The following KCND2 variants were observed in gnomAD, a reference collection of about 807,000 sequenced individuals.
KCND2 encodes potassium voltage-gated channel subfamily D member 2.
KCND2 carries 16 observed loss-of-function variants against 54.4 expected under a neutral mutation model. The ratio of observed to expected loss-of-function variants is 0.29; its 90% CI spans 0.20 to 0.45. KCND2 has a LOEUF of 0.45. Among genes scored for constraint, KCND2 ranks in the 20% least tolerant of loss-of-function variants. KCND2 has a pLI of 1.00. For missense variants in KCND2, 486 were observed against 824.2 expected, an observed-to-expected ratio of 0.59 and a Z score of 5.02; for synonymous variants, 317 against 310.7, an observed-to-expected ratio of 1.02 and a Z score of -0.21.
At position 120,749,365 on chromosome 7, in the gene KCND2, C is replaced by CTT. The variant is rs1327083169; in HGVS notation, c.*1509_*1510dup. 2 of 152,222 alleles carry CTT rather than the reference C, an allele frequency of 1.3e-5. No homozygotes were observed. The highest frequency in any genetic ancestry group is 2.9e-5 in the Non-Finnish European group (2 of 67,798). 9.4% of individuals were successfully genotyped at this position (152,222 alleles called of 1,614,324 possible). ...ATCTCTGTACATTTAAGTGAAAAGT[C>CTT]TTTATAACTTTTCACCCTTAAAATA... On this transcript the variant is annotated 3_prime_UTR_variant, in exon 6 of 6. Coordinates refer to ENST00000331113, the MANE Select transcript of KCND2 (RefSeq NM_012281.3).
chr7:120,547,422 T>C (rs144729119), intron 1 of KCND2, among the ~76,000 whole-genome samples: 77 of 152,102 alleles, frequency 5.1e-4, no homozygotes, highest in African/African-American at 1.8e-3. Context: ...AGCCTCCATT[T>C]ACTTTTTGAC....
At chr7:120,317,823 A>G (rs1799835316) in intron 1 of KCND2, among the ~76,000 whole-genome samples, 1 of 152,210 alleles carries the variant, frequency 6.6e-6, no homozygotes, top group Admixed American at 6.6e-5. Context: ...TTTTATGGGA[A>G]GAATATAAAG....
intron 1 of KCND2, among the ~76,000 whole-genome samples, chr7:120,507,830 A>G (rs1803051059): frequency 6.6e-6 from 1 of 151,886 alleles, no homozygotes; most frequent in Non-Finnish European, 1.5e-5. Context: ...CAACCCATTA[A>G]AAACATTTCT....
chr7:120,453,479 C>T (rs917472995), intron 1 of KCND2, among the ~76,000 whole-genome samples: 2 of 152,180 alleles, frequency 1.3e-5, no homozygotes, highest in East Asian at 1.9e-4. Flanking sequence ...CCCAATCCTG[C>T]ACTGCCACTG....
chr7:120,351,365 TACACACACACACACACACACACACAC>T (rs59756091), intron 1 of KCND2, among the ~76,000 whole-genome samples: 1 of 94,764 alleles, frequency 1.1e-5, no homozygotes, highest in Non-Finnish European at 2.1e-5. Context: ...TCGAAGAGCA[TACACACACACACACACACACACACAC>T]ACACACACAC....
intron 1 of KCND2, among the ~76,000 whole-genome samples, chr7:120,518,085 G>T (rs1803221312): frequency 6.6e-6 from 1 of 152,044 alleles, no homozygotes; most frequent in Admixed American, 6.6e-5. Flanking sequence ...GGGATCTGTG[G>T]CCATATCTCT....
At chr7:120,550,368 T>C (rs1258717219) in intron 1 of KCND2, among the ~76,000 whole-genome samples, 10 of 151,950 alleles carry the variant, frequency 6.6e-5, no homozygotes, top group Admixed American at 6.6e-4. Context: ...TGACCAGAGA[T>C]TGTTATCTCT....
intron 1 of KCND2, among the ~76,000 whole-genome samples, chr7:120,534,590 C>T (rs937357844): frequency 1.3e-5 from 2 of 152,108 alleles, no homozygotes; most frequent in Admixed American, 1.3e-4. Flanking sequence ...GGAAAATTAA[C>T]TAAGTCCCAC....
chr7:120,541,394 A>G lies in KCND2; in HGVS notation c.1116-191509A>G, dbSNP rs558039443. On this transcript the variant is annotated intron_variant, in intron 1 of 5. Transcript: ENST00000331113. ...TATATTTATTAAGATAATGAAGGAG[A>G]TGAAATTTTTTTTTCCATATAGACC... Among the ~76,000 whole-genome samples the G allele has an allele frequency of 5.5e-5, 8 of 144,914 alleles. No individual in the cohort carries two copies. In the South Asian group the frequency reaches 1.7e-3, roughly 30 times the overall value.
chr7:120,590,959 A>T (rs1792664232), intron 1 of KCND2, among the ~76,000 whole-genome samples: 1 of 151,558 alleles, frequency 6.6e-6, no homozygotes, highest in Middle Eastern at 3.2e-3. Flanking sequence ...ATGGTTGAAT[A>T]TTTTTTTTCT....
intron 1 of KCND2, among the ~76,000 whole-genome samples, chr7:120,521,500 T>C (rs1050449078): frequency 2.5e-4 from 38 of 152,134 alleles, no homozygotes; most frequent in African/African-American, 8.9e-4. Flanking sequence ...AAATATTCAG[T>C]ATATTTAAGT....
At chr7:120,726,636 C>T (rs769055863) in intron 1 of KCND2, among the ~76,000 whole-genome samples, 14 of 152,218 alleles carry the variant, frequency 9.2e-5, no homozygotes, top group Non-Finnish European at 1.6e-4. Context: ...GCATTATACA[C>T]ATTACTTACT....
chr7:120,721,093 AATAAT>A, intron 1 of KCND2, among the ~76,000 whole-genome samples: 1 of 152,302 alleles, frequency 6.6e-6, no homozygotes, highest in East Asian at 1.9e-4. Context: ...ACCTGATGGA[AATAAT>A]TTTTATGGAA....
intron 1 of KCND2, among the ~76,000 whole-genome samples, chr7:120,407,599 C>A (rs1323331898): frequency 6.6e-6 from 1 of 151,842 alleles, no homozygotes; most frequent in Non-Finnish European, 1.5e-5. Context: ...AAACTAAGAC[C>A]AACTCCAGAT....
intron 1 of KCND2, among the ~76,000 whole-genome samples, chr7:120,514,997 CT>C (rs1803175236): frequency 6.6e-6 from 1 of 151,794 alleles, no homozygotes; most frequent in South Asian, 2.1e-4. Context: ...AAAATGCATT[CT>C]TATTTTGTTG....
chr7:120,611,759 G>T (rs1394277491), intron 1 of KCND2, among the ~76,000 whole-genome samples: 1 of 152,144 alleles, frequency 6.6e-6, no homozygotes, highest in African/African-American at 2.4e-5. Flanking sequence ...GACTCCCTTT[G>T]ACTGATATTT....
chr7:120,328,959 A>C (rs972698213), intron 1 of KCND2, among the ~76,000 whole-genome samples: 2 of 152,182 alleles, frequency 1.3e-5, no homozygotes, highest in African/African-American at 2.4e-5. Flanking sequence ...ATATCTTGCT[A>C]TGAATTGTTC....
At chr7:120,670,391 T>C (rs529349523) in intron 1 of KCND2, among the ~76,000 whole-genome samples, 1 of 152,160 alleles carries the variant, frequency 6.6e-6, no homozygotes, top group East Asian at 1.9e-4. Context: ...TGATCATTCA[T>C]TGGATAGTGT....
At chr7:120,631,534 T>G (rs1793233984) in intron 1 of KCND2, among the ~76,000 whole-genome samples, 1 of 152,056 alleles carries the variant, frequency 6.6e-6, no homozygotes, top group African/African-American at 2.4e-5. Flanking sequence ...AACATTGGGA[T>G]TTTCCTCTGG....
Sources: gnomAD v4.1 joint callset for allele counts (sites outside exome capture counted in the v4.1 genomes callset) on GRCh38, gnomAD v4.1.1 for gene constraint, MANE v1.5 for transcripts, NCBI Gene and HGNC (gene_info 2026-07-23, HGNC 2026-07-21) for gene names.